The following CDH10 variants were observed in gnomAD, a reference collection of about 807,000 sequenced individuals.
CDH10 encodes the protein cadherin-10.
In CDH10, 30 loss-of-function variants were observed where a neutral mutation model predicts 73.1. That is an observed-to-expected ratio of 0.41 (90% CI 0.31 to 0.56). The LOEUF (loss-of-function observed/expected upper bound fraction) is 0.56, where lower values mean the gene tolerates loss of function less well. Ranked by LOEUF, CDH10 falls within the 20% of genes least tolerant of loss-of-function variation. The pLI is 0.27. For missense variants in CDH10, 815 were observed against 973.7 expected (o/e 0.84, Z 2.17); for synonymous variants, 345 against 348.2 (o/e 0.99, Z 0.10).
chr5:24,537,882 T>C (rs114994981), intron 2 of CDH10, among the ~76,000 whole-genome samples: 1,619 of 152,182 alleles, frequency 0.011, 24 homozygotes, highest in African/African-American at 0.038. Context: ...ATACTTTTTA[T>C]TCTAAATGAA....
chr5:24,542,015 T>C (rs1744173458), intron 2 of CDH10, among the ~76,000 whole-genome samples: 1 of 152,140 alleles, frequency 6.6e-6, no homozygotes, highest in African/African-American at 2.4e-5. Context: ...AAATGATAGA[T>C]TGAATTTAAA....
chr5:24,604,228 T>A (rs187750810), intron 1 of CDH10, among the ~76,000 whole-genome samples: 6 of 151,984 alleles, frequency 3.9e-5, no homozygotes, highest in Non-Finnish European at 8.8e-5. Context: ...CACAGGCCTG[T>A]AGTAGCTACT....
intron 1 of CDH10, among the ~76,000 whole-genome samples, chr5:24,597,392 T>C (rs1254401566): frequency 1.3e-5 from 2 of 152,086 alleles, no homozygotes; most frequent in Admixed American, 1.3e-4. Flanking sequence ...CCTCAGAATG[T>C]TTTTATAACT....
chr5:24,590,371 ATTAT>A lies in CDH10; in HGVS notation c.231+2885_231+2888del, dbSNP rs1162510216. Among the ~76,000 whole-genome samples the A allele has an allele frequency of 2.2e-4, 34 of 151,172 alleles. 1 individual carries two copies. In the Admixed American group the frequency reaches 2.3e-3, roughly 10 times the overall value. On this transcript the variant is annotated intron_variant, in intron 2 of 11. Coordinates refer to ENST00000264463, the MANE Select transcript of CDH10 (RefSeq NM_006727.5). ...ATTAGAAGTGAGTACAATAATAGAA[ATTAT>A]TTAGTATCTATATATAGTATATATT...
At chr5:24,522,156 A>G (rs1461073415) in intron 5 of CDH10, among the ~76,000 whole-genome samples, 1 of 112,092 alleles carries the variant, frequency 8.9e-6, no homozygotes, top group African/African-American at 3.3e-5. Context: ...AAACAAACAA[A>G]ACAAACAAAC....
chr5:24,535,158 G>A lies in CDH10; in HGVS notation c.768C>T (p.Asn256=). 4.3e-6 allele frequency: 7 copies of A among 1,613,128 alleles called. No homozygotes were observed. The highest frequency in any genetic ancestry group is 5.9e-6 in the Non-Finnish European group (7 of 1,179,596). Residue 256 remains asparagine (N), a synonymous_variant, in exon 5 of 12, where the codon AAC becomes AAT. Transcript: ENST00000264463. ...MGGLSGTTTV[N]ITLTDVNDNP... ...TGTCATTGACATCTGTCAGCGTGAT[G>A]TTCACAGTGGTTGTCCCCGATAAGC...
chr5:24,566,654 G>A (rs1579817512), intron 2 of CDH10, among the ~76,000 whole-genome samples: 1 of 151,224 alleles, frequency 6.6e-6, no homozygotes, highest in East Asian at 1.9e-4. Flanking sequence ...TTCTCTATAT[G>A]GTAAACAAAC....
At chr5:24,623,211 G>A (rs1249113222) in intron 1 of CDH10, among the ~76,000 whole-genome samples, 6 of 152,174 alleles carry the variant, frequency 3.9e-5, no homozygotes, top group Non-Finnish European at 8.8e-5. Flanking sequence ...TGCAGATGCA[G>A]GGAAGCTAGT....
At chr5:24,600,478 G>T (rs532276932) in intron 1 of CDH10, among the ~76,000 whole-genome samples, 7 of 152,078 alleles carry the variant, frequency 4.6e-5, no homozygotes, top group Non-Finnish European at 1.0e-4. Flanking sequence ...CACAATCCAA[G>T]AATTAACAAT....
At chr5:24,584,371 T>C (rs1312352807) in intron 2 of CDH10, among the ~76,000 whole-genome samples, 1 of 151,778 alleles carries the variant, frequency 6.6e-6, no homozygotes, top group Non-Finnish European at 1.5e-5. Flanking sequence ...TTGAGCTTAA[T>C]AGTTATATTT....
intron 1 of CDH10, among the ~76,000 whole-genome samples, chr5:24,643,708 T>A (rs2112227842): frequency 6.6e-6 from 1 of 152,328 alleles, no homozygotes; most frequent in South Asian, 2.1e-4. Context: ...AATATTTGTC[T>A]TTGTACCTGT....
chr5:24,579,744 A>T (rs1745726407), intron 2 of CDH10, among the ~76,000 whole-genome samples: 1 of 152,014 alleles, frequency 6.6e-6, no homozygotes, highest in Non-Finnish European at 1.5e-5. Context: ...TCTCAGTTTC[A>T]TTCATTGTTT....
intron 5 of CDH10, among the ~76,000 whole-genome samples, chr5:24,530,546 T>A (rs1183995982): frequency 6.6e-6 from 1 of 152,004 alleles, no homozygotes; most frequent in African/African-American, 2.4e-5. Flanking sequence ...ATTTAAAGTA[T>A]GGAAGTATAA....
chr5:24,619,415 A>C (rs201767537), intron 1 of CDH10, among the ~76,000 whole-genome samples: 8 of 152,026 alleles, frequency 5.3e-5, no homozygotes, highest in Non-Finnish European at 1.2e-4. Flanking sequence ...GGATGGTCTC[A>C]ATCTCCTGAC....
chr5:24,586,472 T>C (rs1358959699), intron 2 of CDH10, among the ~76,000 whole-genome samples: 2 of 135,028 alleles, frequency 1.5e-5, no homozygotes, highest in African/African-American at 2.9e-5. Flanking sequence ...GGAGTTTAGC[T>C]CTTTTTGCCG....
intron 5 of CDH10, among the ~76,000 whole-genome samples, chr5:24,530,186 T>C (rs532740502): frequency 1.3e-5 from 2 of 151,768 alleles, no homozygotes; most frequent in African/African-American, 2.4e-5. Flanking sequence ...TCTTTTCAAA[T>C]AGACATTCTC....
chr5:24,542,743 T>C (rs1486505091), intron 2 of CDH10, among the ~76,000 whole-genome samples: 1 of 152,210 alleles, frequency 6.6e-6, no homozygotes, highest in Non-Finnish European at 1.5e-5. Context: ...ATTCAATGTC[T>C]GGTAAGGGCC....
chr5:24,576,352 C>A (rs1745597991), intron 2 of CDH10, among the ~76,000 whole-genome samples: 1 of 151,974 alleles, frequency 6.6e-6, no homozygotes. Flanking sequence ...GTTTTTTCAA[C>A]TTAGAGCCAC....
rs1333910958 is a variant in CDH10 at position 24,553,757 on chromosome 5, A to G, written c.232-16083T>C. Among the ~76,000 whole-genome samples, 8 of 152,168 alleles carry G rather than the reference A, an allele frequency of 5.3e-5. No individual in the cohort carries two copies. In the East Asian group the frequency reaches 1.2e-3, roughly 22 times the overall value. ...TCTATACCCCTCCTATTGAATCCCC[A>G]TCAAGATGTGGAACCTAATTCCTCT... On this transcript the variant is annotated intron_variant, in intron 2 of 11. Transcript: ENST00000264463.
Sources: allele counts gnomAD v4.1 joint callset (sites outside exome capture counted in the v4.1 genomes callset), GRCh38; gene constraint gnomAD v4.1.1; transcripts MANE v1.5; gene names NCBI Gene and HGNC (gene_info 2026-07-23, HGNC 2026-07-21).